SLIT3: variants seen among roughly 807,000 people sequenced by gnomAD.
The protein encoded by SLIT3 is slit homolog 3 protein.
SLIT3 carries 68 observed loss-of-function variants against 184.0 expected under a neutral mutation model. The ratio of observed to expected loss-of-function variants is 0.37; its 90% CI spans 0.30 to 0.45. SLIT3 has a LOEUF of 0.45. Ranked by LOEUF, SLIT3 falls within the 20% of genes least tolerant of loss-of-function variation. The pLI, the probability that SLIT3 is intolerant of heterozygous loss-of-function variation, is 1.00. For missense variants in SLIT3, 1,707 were observed against 2,026.0 expected, an observed-to-expected ratio of 0.84 and a Z score of 3.02; for synonymous variants, 831 against 828.6, an observed-to-expected ratio of 1.00 and a Z score of -0.05.
intron 3 of SLIT3, among the ~76,000 whole-genome samples, chr5:169,196,001 T>C (rs1258292460): frequency 2.0e-5 from 3 of 152,186 alleles, no homozygotes; most frequent in Admixed American, 6.5e-5. Context: ...AACTTTTTCA[T>C]CTTGCAAAAC....
intron 1 of SLIT3, among the ~76,000 whole-genome samples, chr5:169,288,719 C>T (rs969169410): frequency 1.3e-4 from 20 of 152,202 alleles, no homozygotes; most frequent in Non-Finnish European, 4.4e-5. Flanking sequence ...GTCCTACTGT[C>T]TTGGACACTG....
chr5:168,937,761 T>A (rs1252005141), intron 4 of SLIT3, among the ~76,000 whole-genome samples: 2 of 152,110 alleles, frequency 1.3e-5, no homozygotes, highest in Non-Finnish European at 2.9e-5. Context: ...CTTTTCTGAA[T>A]AATGGGAATC....
At chr5:169,270,913 G>A (rs1055011181) in intron 1 of SLIT3, among the ~76,000 whole-genome samples, 4 of 152,100 alleles carry the variant, frequency 2.6e-5, no homozygotes, top group African/African-American at 9.7e-5. Flanking sequence ...TCTTCCTTAG[G>A]TTGGGTTAAG....
chr5:169,016,042 C>T (rs546585200), intron 4 of SLIT3, among the ~76,000 whole-genome samples: 50 of 152,086 alleles, frequency 3.3e-4, no homozygotes, highest in Non-Finnish European at 6.3e-4. Context: ...CTTCTTTCCT[C>T]TCTTTGTCAA....
chr5:168,913,584 G>T (rs545168718), intron 4 of SLIT3, among the ~76,000 whole-genome samples: 1 of 151,864 alleles, frequency 6.6e-6, no homozygotes, highest in East Asian at 1.9e-4. Flanking sequence ...CCTGGCCAAC[G>T]TGGTAAAACC....
chr5:168,720,311 G>C (rs1762899865), intron 23 of SLIT3: 1 of 152,226 alleles, frequency 6.6e-6, no homozygotes, highest in Non-Finnish European at 1.5e-5. Flanking sequence ...TGCCAGACTG[G>C]GACAAATGAT....
At position 168,959,281 on chromosome 5, in the gene SLIT3, G is replaced by A. The variant is rs1020419460; in HGVS notation, c.414-75945C>T. ...GGCCTCAGTTTATCCATCTGTAAGT[G>A]AGGGGGTATGCCTGTGCTATAGAGA... On this transcript the variant is annotated intron_variant, in intron 4 of 35. Coordinates refer to ENST00000519560, the MANE Select transcript of SLIT3 (RefSeq NM_003062.4). Among the ~76,000 whole-genome samples, 4 of 152,334 alleles carry A rather than the reference G, an allele frequency of 2.6e-5. No homozygotes were observed. In the South Asian group the frequency reaches 6.2e-4, roughly 24 times the overall value.
At chr5:168,970,271 G>A (rs1041648326) in intron 4 of SLIT3, among the ~76,000 whole-genome samples, 25 of 152,014 alleles carry the variant, frequency 1.6e-4, no homozygotes, top group Non-Finnish European at 2.2e-4. Context: ...TGAGGCAGGC[G>A]GATCACCTGA....
chr5:168,933,159 G>T (rs542774170), intron 4 of SLIT3, among the ~76,000 whole-genome samples: 2 of 152,194 alleles, frequency 1.3e-5, no homozygotes, highest in Non-Finnish European at 2.9e-5. Context: ...GGCTGAGGGT[G>T]AGGGTATTTA....
At chr5:169,010,865 C>T (rs546478633) in intron 4 of SLIT3, among the ~76,000 whole-genome samples, 4 of 150,504 alleles carry the variant, frequency 2.7e-5, no homozygotes, top group Admixed American at 6.6e-5. Context: ...GCCGAGATCG[C>T]GCCACTGCAC....
At chr5:168,927,104 A>G (rs1486896149) in intron 4 of SLIT3, among the ~76,000 whole-genome samples, 1 of 152,230 alleles carries the variant, frequency 6.6e-6, no homozygotes, top group Non-Finnish European at 1.5e-5. Flanking sequence ...ACAGCTAAAA[A>G]GTGGAAGCAA....
chr5:168,743,067 C>T (rs949895299), intron 20 of SLIT3, among the ~76,000 whole-genome samples: 7 of 152,086 alleles, frequency 4.6e-5, no homozygotes, highest in Non-Finnish European at 1.0e-4. Context: ...TGGAGGTTCA[C>T]GCCATGTGCT....
chr5:169,047,531 CT>C (rs1561630108), intron 4 of SLIT3, among the ~76,000 whole-genome samples: 4 of 150,842 alleles, frequency 2.7e-5, no homozygotes, highest in Non-Finnish European at 1.5e-5. Flanking sequence ...ACCCTTCCAT[CT>C]GGAGACCTAG....
chr5:168,863,534 T>C lies in SLIT3; in HGVS notation c.486-18879A>G, dbSNP rs548295782. The stretch of plus-strand genomic sequence containing the variant: ...ACTGACAGCCACAGCCATGGGTCAA[T>C]GTGGTTGTACTTATGCAAATGGTAA... On this transcript the variant is annotated intron_variant, in intron 5 of 35. Coordinates refer to ENST00000519560, the MANE Select transcript of SLIT3 (RefSeq NM_003062.4). Among the ~76,000 whole-genome samples, 5 of 152,308 alleles carry C rather than the reference T, an allele frequency of 3.3e-5. No individual in the cohort carries two copies. In the South Asian group the frequency reaches 1.0e-3, roughly 32 times the overall value.
chr5:168,706,199 C>T (rs981477198), intron 26 of SLIT3, among the ~76,000 whole-genome samples: 1 of 152,182 alleles, frequency 6.6e-6, no homozygotes, highest in Non-Finnish European at 1.5e-5. Flanking sequence ...CAGCAGTATG[C>T]CAGCTTATTG....
intron 4 of SLIT3, among the ~76,000 whole-genome samples, chr5:169,050,998 A>T (rs919712229): frequency 6.6e-5 from 10 of 152,168 alleles, no homozygotes; most frequent in African/African-American, 2.4e-4. Context: ...CTTTTGTTTT[A>T]TCTGAAAACG....
At chr5:169,263,012 G>T (rs374863981) in intron 1 of SLIT3, among the ~76,000 whole-genome samples, 4 of 152,300 alleles carry the variant, frequency 2.6e-5, no homozygotes, top group Admixed American at 2.0e-4. Flanking sequence ...TCATTAGGGT[G>T]GACCCTAATC....
At chr5:169,194,535 T>C (rs1189369688) in intron 3 of SLIT3, among the ~76,000 whole-genome samples, 1 of 152,162 alleles carries the variant, frequency 6.6e-6, no homozygotes, top group Non-Finnish European at 1.5e-5. Context: ...ACTATGTCGG[T>C]ATAAATGCAA....
chr5:169,251,409 C>G lies in SLIT3; in HGVS notation c.248G>C (p.Gly83Ala), dbSNP rs201066459. ...ITRITKMDFA[G>A]LKNLRVLHLE... Reference sequence around the variant, plus strand: ...TTACAAGACTCGGAGGTTCTTGAGCCCAGCGAAGTCCATCTTGGTGATCCT... The same window carrying G: ...TTACAAGACTCGGAGGTTCTTGAGCGCAGCGAAGTCCATCTTGGTGATCCT... The change falls in exon 2 of 36, where the codon GGG (glycine) becomes GCG (alanine). Residue 83 changes from glycine to alanine, a missense_variant. By Grantham distance (60) the Gly-to-Ala change is moderately conservative. Transcript: ENST00000519560. 1.6e-5 allele frequency: 26 copies of G among 1,613,350 alleles called. No individual in the cohort carries two copies. In the Admixed American group the frequency reaches 4.3e-4, roughly 27 times the overall value.
Sources: gnomAD v4.1 joint callset for allele counts (sites outside exome capture counted in the v4.1 genomes callset) on GRCh38, gnomAD v4.1.1 for gene constraint, MANE v1.5 for transcripts, NCBI Gene and HGNC (gene_info 2026-07-23, HGNC 2026-07-21) for gene names.